ABR: variants seen among roughly 807,000 people sequenced by gnomAD.
ABR encodes the protein ABR activator of RhoGEF and GTPase.
A neutral mutation model predicts 107.2 loss-of-function variants in ABR; 35 were observed. The ratio of observed to expected loss-of-function variants is 0.33; its 90% confidence interval spans 0.25 to 0.43. The LOEUF (loss-of-function observed/expected upper bound fraction) is 0.43, where lower values mean the gene tolerates loss of function less well. Ranked by LOEUF, ABR falls within the 20% of genes least tolerant of loss-of-function variation. The probability of loss-of-function intolerance (pLI) is 1.00; values close to 1 mark genes in which losing one functional copy is unlikely to be tolerated. For synonymous variants in ABR, 498 were observed against 462.0 expected, an observed-to-expected ratio of 1.08 and a Z score of -1.00; for missense variants, 815 against 1,115.2, an observed-to-expected ratio of 0.73 and a Z score of 3.83.
intron 21 of ABR, among the ~76,000 whole-genome samples, chr17:1,007,987 C>T (rs551149528): frequency 2.0e-5 from 3 of 152,228 alleles, no homozygotes; most frequent in Non-Finnish European, 2.9e-5. Context: ...ACTGTCCCCC[C>T]GTGCCTGTCC....
rs764818162 is a variant in ABR at position 1,011,919 on chromosome 17, G to A, written c.2028C>T (p.Ile676=). 8.1e-6 allele frequency: 13 copies of A among 1,612,480 alleles called. No homozygotes were observed. Among genetic ancestry groups the A allele is most frequent in the Admixed American group, 5.0e-5 (3 of 59,934 alleles). The change falls in exon 19 of 23, where the codon ATC becomes ATT. Residue 676 remains isoleucine, a synonymous_variant. Coordinates refer to ENST00000302538, the MANE Select transcript of ABR (RefSeq NM_021962.5). This position sits in a 1 kb window ranked among gnomAD's most constrained non-coding sequence, Gnocchi z 4.8. ...QCVEEVEKRG[I]EEVGIYRISG... ...ATATCCTGTAGATGCCAACCTCCTC[G>A]ATACCCCTCTTCTCCACCTCCTCCA...
intron 1 of ABR, among the ~76,000 whole-genome samples, chr17:1,203,850 C>T (rs1235292093): frequency 2.0e-5 from 3 of 152,170 alleles, no homozygotes; most frequent in Admixed American, 1.3e-4. Flanking sequence ...GTGTGTGTCC[C>T]GCCAGGACGT....
chr17:1,190,494 C>T (rs551852575), upstream of ABR, among the ~76,000 whole-genome samples: 4 of 152,112 alleles, frequency 2.6e-5, no homozygotes, highest in Admixed American at 6.6e-5. Flanking sequence ...ATTAGCCAGG[C>T]GTGGTGGTGG....
chr17:1,094,826 G>T (rs969389462), intron 3 of ABR, among the ~76,000 whole-genome samples: 9 of 151,840 alleles, frequency 5.9e-5, no homozygotes, highest in Non-Finnish European at 1.2e-4. Flanking sequence ...CAGGTCCTTG[G>T]AGAGCTGAGC....
intron 16 of ABR, among the ~76,000 whole-genome samples, chr17:1,048,745 C>T (rs1597539976): frequency 1.3e-5 from 2 of 149,510 alleles, no homozygotes; most frequent in African/African-American, 2.5e-5. Context: ...TCCGGGGCCA[C>T]GGTCAAGAAG....
At chr17:1,119,470 CG>C (rs1567790491) in intron 2 of ABR, among the ~76,000 whole-genome samples, 10 of 89,170 alleles carry the variant, frequency 1.1e-4, no homozygotes, top group African/African-American at 3.0e-4. Flanking sequence ...TTCTTCCCAG[CG>C]TTATCCCTGA....
chr17:1,158,129 G>A (rs1412145105), intron 1 of ABR, among the ~76,000 whole-genome samples: 5 of 152,138 alleles, frequency 3.3e-5, no homozygotes, highest in African/African-American at 1.2e-4. Flanking sequence ...CTTTGACGGT[G>A]CACAGTTTAG....
intron 2 of ABR, among the ~76,000 whole-genome samples, chr17:1,109,551 G>C (rs1017164528): frequency 6.6e-6 from 1 of 152,098 alleles, no homozygotes; most frequent in African/African-American, 2.4e-5. Flanking sequence ...GGGCCGGGGT[G>C]GGGTGGAGCG....
chr17:1,035,238 C>G (rs552257577), intron 16 of ABR, among the ~76,000 whole-genome samples: 1 of 151,544 alleles, frequency 6.6e-6, no homozygotes, highest in Admixed American at 6.6e-5. Context: ...CAGCCCACCA[C>G]GGACCCCTCC....
chr17:1,196,078 G>A (rs1181935884), intron 1 of ABR, among the ~76,000 whole-genome samples: 10 of 148,282 alleles, frequency 6.7e-5, no homozygotes, highest in South Asian at 2.1e-4. Flanking sequence ...GCAGTGAGCC[G>A]AGATCACGAC....
intron 2 of ABR, among the ~76,000 whole-genome samples, chr17:1,115,852 G>A (rs1331057396): frequency 6.6e-5 from 10 of 151,174 alleles, no homozygotes; most frequent in African/African-American, 2.4e-4. Flanking sequence ...CTTGAACCCC[G>A]GGAGGCGGAA....
intron 1 of ABR, among the ~76,000 whole-genome samples, chr17:1,186,290 G>C (rs555425174): frequency 9.2e-5 from 14 of 152,318 alleles, no homozygotes; most frequent in Non-Finnish European, 1.9e-4. Context: ...CAGCCTCCCG[G>C]CTTTTCCAGC....
intron 2 of ABR, among the ~76,000 whole-genome samples, chr17:1,115,692 A>T (rs1295852933): frequency 6.6e-6 from 1 of 152,228 alleles, no homozygotes; most frequent in Non-Finnish European, 1.5e-5. Context: ...TGGGAGGCCG[A>T]GGCGGGCAGA....
rs184380930 is a variant in ABR at position 1,016,923 on chromosome 17, C to T, written c.1792-3759G>A. ...TGTCATCACGGAAGGGAAACTGGAT[C>T]TGGGTCAGCCTTGGGCTTCCTGCAG... On this transcript the variant is annotated intron_variant, in intron 16 of 22. Coordinates refer to ENST00000302538, the MANE Select transcript of ABR (RefSeq NM_021962.5). 5.8e-4 allele frequency among the ~76,000 whole-genome samples: 88 copies of T among 152,274 alleles called. 1 individual carries two copies. The highest frequency in any genetic ancestry group is 1.1e-3 in the Non-Finnish European group (72 of 68,034).
chr17:1,180,393 G>A (rs1302211349), upstream of ABR, among the ~76,000 whole-genome samples: 7 of 152,176 alleles, frequency 4.6e-5, no homozygotes, highest in Non-Finnish European at 1.0e-4. Context: ...GACCCACGGG[G>A]TGAACGTCCT....
At position 1,057,115 on chromosome 17, in the gene ABR, C is replaced by A; in HGVS notation, c.1382-13G>T. The A allele has an allele frequency of 6.3e-7, 1 of 1,588,150 alleles. No homozygotes were observed. The highest frequency in any genetic ancestry group is 2.3e-5 in the East Asian group (1 of 44,436). On this transcript the variant is annotated splice_polypyrimidine_tract_variant and intron_variant, in intron 12 of 22. Transcript: ENST00000302538. ...AAGGCCTGGAGATCTGGAGGGAGAG[C>A]CGAGAGAGAAGGGAGCGTGGGCACT...
intron 4 of ABR, among the ~76,000 whole-genome samples, chr17:1,087,441 C>G (rs571448141): frequency 1.3e-5 from 2 of 152,216 alleles, no homozygotes; most frequent in South Asian, 2.1e-4. Context: ...CAGAGGGGAG[C>G]GCGAGTGGGG....
intron 3 of ABR, among the ~76,000 whole-genome samples, chr17:1,098,186 C>T (rs1003715768): frequency 2.6e-5 from 4 of 152,034 alleles, no homozygotes; most frequent in Non-Finnish European, 4.4e-5. Flanking sequence ...CATTCTCCTG[C>T]CTCAGCCTCC....
At chr17:1,128,254 G>A (rs2151461900) in intron 1 of ABR, among the ~76,000 whole-genome samples, 1 of 152,350 alleles carries the variant, frequency 6.6e-6, no homozygotes, top group African/African-American at 2.4e-5. Context: ...GAGAAGGCAG[G>A]AACCCTGGGG....
Sources: allele counts gnomAD v4.1 joint callset (sites outside exome capture counted in the v4.1 genomes callset), GRCh38; gene constraint gnomAD v4.1.1; non-coding constraint Gnocchi (gnomAD v3.1); transcripts MANE v1.5; gene names NCBI Gene and HGNC (gene_info 2026-07-23, HGNC 2026-07-21).